The following GALNT16 variants were observed in gnomAD, a reference collection of about 807,000 sequenced individuals.
The protein encoded by GALNT16 is UDP-GalNAc:polypeptide N-acetylgalactosaminyltransferase-like protein 1.
In GALNT16, 40 loss-of-function variants were observed where a neutral mutation model predicts 76.1. That is an observed-to-expected ratio of 0.53 (90% CI 0.41 to 0.68). The LOEUF is 0.68. Ranked by LOEUF, GALNT16 falls within the 30% of genes least tolerant of loss-of-function variation. The pLI is 0.00. For synonymous variants in GALNT16, 276 were observed against 285.2 expected (o/e 0.97, Z 0.32); for missense variants, 621 against 731.9 (o/e 0.85, Z 1.75).
the GALNT16 span, among the ~76,000 whole-genome samples, chr14:69,367,046 A>C: frequency 6.6e-6 from 1 of 152,090 alleles, no homozygotes; most frequent in Non-Finnish European, 1.5e-5. Flanking sequence ...AATGAGATGT[A>C]CCCCTAAAAG....
the GALNT16 span, chr14:69,380,710 A>G: frequency 1.2e-6 from 1 of 840,452 alleles, no homozygotes; most frequent in Non-Finnish European, 2.1e-6. Context: ...TCCCCAAATT[A>G]TAACTGCCCA....
At chr14:69,280,090 G>A (rs1211741959) in intron 1 of GALNT16, among the ~76,000 whole-genome samples, 1 of 152,130 alleles carries the variant, frequency 6.6e-6, no homozygotes, top group Non-Finnish European at 1.5e-5. Flanking sequence ...ACAATTCAAT[G>A]GCATTAAAGA....
chr14:69,352,272 C>T lies in GALNT16; in HGVS notation c.*104C>T. 1 of 1,032,684 alleles carries T rather than the reference C, an allele frequency of 9.7e-7. No individual in the cohort carries two copies. Among genetic ancestry groups the T allele is most frequent in the African/African-American group, 1.6e-5 (1 of 62,306 alleles). The allele number at this position is 1,032,684 out of a possible 1,614,324, so 64.0% of individuals were successfully genotyped here. A position where few individuals can be genotyped will look rare whatever the true frequency, so the allele number is the denominator to read the frequency against. Reference sequence around the variant, plus strand: ...GGGCTGTTCCCATCTCCTCACATTTCTGCCAGGACCATCAGCAAATACCCA... The same window carrying T: ...GGGCTGTTCCCATCTCCTCACATTTTTGCCAGGACCATCAGCAAATACCCA... On this transcript the variant is annotated 3_prime_UTR_variant, in exon 15 of 15. Coordinates refer to ENST00000448469, the MANE Select transcript of GALNT16 (RefSeq NM_001168368.2).
intron 7 of GALNT16, 139 bp downstream of exon 7, chr14:69,331,690 A>G: frequency 1.5e-6 from 1 of 665,822 alleles, no homozygotes; most frequent in Non-Finnish European, 2.7e-6. Flanking sequence ...CTCCAAAGAG[A>G]AAATGAAGAG....
intron 1 of GALNT16, among the ~76,000 whole-genome samples, chr14:69,265,787 C>T (rs1211761116): frequency 6.6e-6 from 1 of 152,212 alleles, no homozygotes; most frequent in Non-Finnish European, 1.5e-5. Flanking sequence ...TTGCCTGGTA[C>T]AGTCACCGAC....
At chr14:69,267,580 T>C (rs774740960) in intron 1 of GALNT16, among the ~76,000 whole-genome samples, 2 of 152,178 alleles carry the variant, frequency 1.3e-5, no homozygotes, top group African/African-American at 2.4e-5. Flanking sequence ...TTAATGTGAA[T>C]TGGGCTGTTG....
chr14:69,288,884 C>CT (rs939083892), intron 1 of GALNT16, among the ~76,000 whole-genome samples: 13 of 149,284 alleles, frequency 8.7e-5, no homozygotes, highest in African/African-American at 1.2e-4. Context: ...TAGAAGTCTT[C>CT]TTTTTTTTTT....
At chr14:69,319,756 G>GTGCC (rs2045150540) in intron 1 of GALNT16, among the ~76,000 whole-genome samples, 1 of 152,218 alleles carries the variant, frequency 6.6e-6, no homozygotes, top group Non-Finnish European at 1.5e-5. Context: ...CCAGCACTTA[G>GTGCC]TGCCTGGGGA....
At chr14:69,321,405 G>A (rs888022863) in intron 2 of GALNT16, among the ~76,000 whole-genome samples, 5 of 152,190 alleles carry the variant, frequency 3.3e-5, no homozygotes, top group Non-Finnish European at 5.9e-5. Context: ...TCCCAGCTCA[G>A]TGTGCGTGAC....
chr14:69,311,924 CA>C (rs112129354), intron 1 of GALNT16, among the ~76,000 whole-genome samples: 2,430 of 151,802 alleles, frequency 0.016, 67 homozygotes, highest in African/African-American at 0.057. Flanking sequence ...TATGTTGGGG[CA>C]GGGGTGGTGG....
At chr14:69,279,227 T>C (rs1303811196) in intron 1 of GALNT16, among the ~76,000 whole-genome samples, 5 of 152,198 alleles carry the variant, frequency 3.3e-5, no homozygotes, top group African/African-American at 1.2e-4. Context: ...CCACCACGCC[T>C]GGCCATTTAT....
At chr14:69,381,982 C>T in the GALNT16 span, among the ~76,000 whole-genome samples, 1 of 152,208 alleles carries the variant, frequency 6.6e-6, no homozygotes, top group Non-Finnish European at 1.5e-5. Flanking sequence ...TGAGCCACCG[C>T]ACCTGGCCTC....
chr14:69,379,934 G>A, the GALNT16 span, among the ~76,000 whole-genome samples: 1 of 151,660 alleles, frequency 6.6e-6, no homozygotes, highest in African/African-American at 2.4e-5. Flanking sequence ...CTATAATTAA[G>A]ATTCATTTAA....
the GALNT16 span, among the ~76,000 whole-genome samples, chr14:69,378,403 T>G: frequency 6.6e-6 from 1 of 152,264 alleles, no homozygotes; most frequent in Admixed American, 6.5e-5. Context: ...TAAGCGGAAA[T>G]CAAACCTGTT....
chr14:69,335,879 G>A (rs1198184725), intron 9 of GALNT16, among the ~76,000 whole-genome samples: 1 of 152,176 alleles, frequency 6.6e-6, no homozygotes, highest in Admixed American at 6.5e-5. Flanking sequence ...CTTGAGTGGG[G>A]CTGGCAGATG....
intron 5 of GALNT16, among the ~76,000 whole-genome samples, chr14:69,326,534 G>T (rs1343429261): frequency 6.6e-6 from 1 of 152,196 alleles, no homozygotes; most frequent in Non-Finnish European, 1.5e-5. Flanking sequence ...GGCTGTGGTT[G>T]TGTATGAATA....
Position 69,298,312 on chromosome 14 carries a change from C to T in GALNT16, c.178-22399C>T, listed in dbSNP as rs1594831713. 3.3e-5 allele frequency among the ~76,000 whole-genome samples: 5 copies of T among 152,348 alleles called. 1 individual carries two copies. Among genetic ancestry groups the T allele is most frequent in the Middle Eastern group, 3.4e-3 (1 of 294 alleles). On this transcript the variant is annotated intron_variant, in intron 1 of 14. Coordinates refer to ENST00000448469, the MANE Select transcript of GALNT16 (RefSeq NM_001168368.2). ...GTTCTAGCTGTGTGTGGCCCTCTCTCTGCCCCTGGAGGGCCCTCCCTCCTT... is the reference window on the plus strand; with the variant it reads ...GTTCTAGCTGTGTGTGGCCCTCTCTTTGCCCCTGGAGGGCCCTCCCTCCTT...
chr14:69,275,580 G>A (rs923727713), intron 1 of GALNT16, among the ~76,000 whole-genome samples: 1 of 152,242 alleles, frequency 6.6e-6, no homozygotes, highest in African/African-American at 2.4e-5. Context: ...GAACTGGCCA[G>A]GCACACTTGC....
chr14:69,302,320 G>GT (rs1257767292), intron 1 of GALNT16, among the ~76,000 whole-genome samples: 5 of 151,844 alleles, frequency 3.3e-5, no homozygotes, highest in Non-Finnish European at 5.9e-5. Flanking sequence ...AATAATAACT[G>GT]TTTTTTTAAA....
Sources: allele counts gnomAD v4.1 joint callset (sites outside exome capture counted in the v4.1 genomes callset), GRCh38; gene constraint gnomAD v4.1.1; transcripts MANE v1.5; gene names NCBI Gene and HGNC (gene_info 2026-07-23, HGNC 2026-07-21).